MAF: variants seen among roughly 807,000 people sequenced by gnomAD.
MAF encodes transcription factor Maf.
A neutral mutation model predicts 22.0 loss-of-function variants in MAF; 10 were observed. The observed-to-expected ratio is 0.45, with a 90% CI of 0.28 to 0.77. The LOEUF (loss-of-function observed/expected upper bound fraction) is 0.77, where lower values mean the gene tolerates loss of function less well. Ranked by LOEUF, MAF falls within the 30% of genes least tolerant of loss-of-function variation. The pLI, the probability that MAF is intolerant of heterozygous loss-of-function variation, is 0.12. For synonymous variants in MAF, 337 were observed against 255.8 expected, an observed-to-expected ratio of 1.32 and a Z score of -3.03; for missense variants, 544 against 548.4, an observed-to-expected ratio of 0.99 and a Z score of 0.08.
At chr16:79,427,156 G>C in the MAF span, among the ~76,000 whole-genome samples, 3 of 152,212 alleles carry the variant, frequency 2.0e-5, no homozygotes, top group Non-Finnish European at 4.4e-5. Context: ...CTTTATGCAT[G>C]TTAAATTATC....
the MAF span, among the ~76,000 whole-genome samples, chr16:79,340,786 T>C: frequency 6.6e-6 from 1 of 152,100 alleles, no homozygotes; most frequent in African/African-American, 2.4e-5. Context: ...ACTAAAAATG[T>C]CTTCAGGCAT....
the MAF span, among the ~76,000 whole-genome samples, chr16:79,270,118 G>T: frequency 2.6e-5 from 4 of 151,736 alleles, no homozygotes; most frequent in Non-Finnish European, 5.9e-5. Context: ...GGAGGTGAAG[G>T]GCCTAGAAGA....
chr16:79,458,456 T>C, the MAF span, among the ~76,000 whole-genome samples: 1 of 152,168 alleles, frequency 6.6e-6, no homozygotes, highest in South Asian at 2.1e-4. Flanking sequence ...TATGTTTGAT[T>C]ATTTAACAGC....
At chr16:79,367,188 C>T in the MAF span, among the ~76,000 whole-genome samples, 1 of 152,112 alleles carries the variant, frequency 6.6e-6, no homozygotes, top group African/African-American at 2.4e-5. Context: ...AGACAGTTCT[C>T]CTCTTTCTGT....
the MAF span, among the ~76,000 whole-genome samples, chr16:79,362,003 G>A: frequency 6.6e-6 from 1 of 152,160 alleles, no homozygotes; most frequent in Admixed American, 6.5e-5. Context: ...AACCCCATTT[G>A]AAGATGAACT....
the MAF span, among the ~76,000 whole-genome samples, chr16:79,318,335 T>A: frequency 6.6e-6 from 1 of 152,172 alleles, no homozygotes; most frequent in East Asian, 1.9e-4. Flanking sequence ...CCAGTCATAG[T>A]CATGCTAATC....
the MAF span, among the ~76,000 whole-genome samples, chr16:79,327,255 G>C: frequency 1.3e-5 from 2 of 152,210 alleles, no homozygotes; most frequent in East Asian, 3.8e-4. Context: ...GGAGGGTATA[G>C]AACTAGTTCC....
chr16:79,410,009 G>A, the MAF span, among the ~76,000 whole-genome samples: 31 of 152,266 alleles, frequency 2.0e-4, no homozygotes, highest in African/African-American at 7.5e-4. Flanking sequence ...TTGCAACCTA[G>A]CTTAATAGGT....
the MAF span, among the ~76,000 whole-genome samples, chr16:79,518,982 C>G: frequency 6.6e-6 from 1 of 152,146 alleles, no homozygotes; most frequent in Non-Finnish European, 1.5e-5. Context: ...ATTATTAACT[C>G]TATTACTTAC....
chr16:79,237,171 A>T, the MAF span, among the ~76,000 whole-genome samples: 5 of 152,166 alleles, frequency 3.3e-5, no homozygotes, highest in Non-Finnish European at 5.9e-5. Context: ...AATAATTTTT[A>T]AAAAACCCTC....
chr16:79,588,942 C>G (rs190197186), downstream of MAF, among the ~76,000 whole-genome samples: 235 of 152,106 alleles, frequency 1.5e-3, 4 homozygotes, highest in East Asian at 0.029. Context: ...GAAAGATTAC[C>G]GAGGGTTTTT....
the MAF span, among the ~76,000 whole-genome samples, chr16:79,207,157 C>G: frequency 1.3e-5 from 2 of 152,108 alleles, no homozygotes; most frequent in Non-Finnish European, 2.9e-5. Flanking sequence ...CCCCTCATCT[C>G]CACCGCAGCA....
the MAF span, among the ~76,000 whole-genome samples, chr16:79,448,888 C>G: frequency 6.6e-6 from 1 of 152,062 alleles, no homozygotes; most frequent in Non-Finnish European, 1.5e-5. Context: ...TGGGGGGAGG[C>G]AGGGATGGTT....
chr16:79,214,530 C>G, the MAF span, among the ~76,000 whole-genome samples: 503 of 151,802 alleles, frequency 3.3e-3, 2 homozygotes, highest in Non-Finnish European at 4.7e-3. Context: ...CTCAGCCTAC[C>G]AAATAGCTGG....
At chr16:79,560,082 A>G in the MAF span, among the ~76,000 whole-genome samples, 1 of 151,918 alleles carries the variant, frequency 6.6e-6, no homozygotes, top group African/African-American at 2.4e-5. Flanking sequence ...TTATTTTTAG[A>G]ACTATTTTTG....
chr16:79,304,582 G>C, the MAF span, among the ~76,000 whole-genome samples: 23 of 152,148 alleles, frequency 1.5e-4, no homozygotes, highest in Admixed American at 1.4e-3. Flanking sequence ...AGGAACAAAA[G>C]ATAAGTCAGT....
the MAF span, among the ~76,000 whole-genome samples, chr16:79,207,542 A>G: frequency 6.6e-6 from 1 of 152,242 alleles, no homozygotes; most frequent in Non-Finnish European, 1.5e-5. Flanking sequence ...TGTCCCTGTA[A>G]GAAAGCAATC....
At chr16:79,479,720 A>G in the MAF span, among the ~76,000 whole-genome samples, 3 of 152,210 alleles carry the variant, frequency 2.0e-5, no homozygotes, top group Non-Finnish European at 4.4e-5. Context: ...CACAGGAGAG[A>G]AAGGAAGGAA....
At chr16:79,567,249 C>A in the MAF span, among the ~76,000 whole-genome samples, 1 of 152,066 alleles carries the variant, frequency 6.6e-6, no homozygotes. Context: ...ACCCAGGAGA[C>A]AGAGGTTGCA....
Sources: gnomAD v4.1 joint callset for allele counts (sites outside exome capture counted in the v4.1 genomes callset) on GRCh38, gnomAD v4.1.1 for gene constraint, MANE v1.5 for transcripts, NCBI Gene and HGNC (gene_info 2026-07-23, HGNC 2026-07-21) for gene names.